RALGAPB: variants seen among roughly 807,000 people sequenced by gnomAD.
RALGAPB encodes ral GTPase-activating protein subunit beta.
Under a neutral mutation model 161.1 loss-of-function variants are expected in RALGAPB, and 25 were observed. The observed-to-expected ratio is 0.16, with a 90% CI of 0.11 to 0.22. The LOEUF is 0.22. Ranked by LOEUF, RALGAPB falls within the 10% of genes least tolerant of loss-of-function variation. RALGAPB has a pLI of 1.00. For missense variants in RALGAPB, 1,391 were observed against 1,815.2 expected, an observed-to-expected ratio of 0.77 and a Z score of 4.25; for synonymous variants, 629 against 626.1, an observed-to-expected ratio of 1.00 and a Z score of -0.07.
chr20:38,533,893 C>A (rs901895298), intron 15 of RALGAPB, among the ~76,000 whole-genome samples: 2 of 150,086 alleles, frequency 1.3e-5, no homozygotes, highest in Non-Finnish European at 3.0e-5. Flanking sequence ...AATCCCAGCA[C>A]TTTGGGAGGC....
In RALGAPB at chr20:38,535,132, A is replaced by G. The variant is rs1260532442; in HGVS notation, c.2304A>G (p.Gln768=). ...LLIRSIHLVT[Q]RLNSQWRQDM... ...TTCGCAGCATTCATCTCGTCACCCA[A>G]AGACTCAACTCCCAGTGGCGCCAAG... The change falls in exon 16 of 30, where the codon CAA becomes CAG. Residue 768 remains glutamine, a synonymous_variant. Coordinates refer to ENST00000262879, the MANE Select transcript of RALGAPB (RefSeq NM_020336.4). 3.1e-6 allele frequency: 5 copies of G among 1,613,898 alleles called. No homozygotes were observed. In the African/African-American group the frequency reaches 6.7e-5, roughly 22 times the overall value.
intron 11 of RALGAPB, among the ~76,000 whole-genome samples, 191 bp from the exon 12 acceptor site, chr20:38,525,213 A>C (rs1486920651): frequency 2.6e-5 from 4 of 152,244 alleles, no homozygotes; most frequent in Non-Finnish European, 2.9e-5. Context: ...TTTGTAGAGT[A>C]GGCCTTACGT....
chr20:38,550,044 A>G (rs2087318607), intron 20 of RALGAPB, among the ~76,000 whole-genome samples: 1 of 152,204 alleles, frequency 6.6e-6, no homozygotes, highest in African/African-American at 2.4e-5. Flanking sequence ...TATCGCAAGA[A>G]CAAAAAACCA....
intron 2 of RALGAPB, among the ~76,000 whole-genome samples, chr20:38,490,536 C>T (rs190077161): frequency 1.3e-5 from 2 of 150,612 alleles, no homozygotes; most frequent in African/African-American, 4.9e-5. Context: ...GACAGAGTCT[C>T]GCTCTTGTTG....
At chr20:38,546,151 A>T in intron 18 of RALGAPB, 92 bp from the exon 19 acceptor site, 1 of 1,580,294 alleles carries the variant, frequency 6.3e-7, no homozygotes, top group Admixed American at 1.7e-5. Flanking sequence ...GTCAATTAAA[A>T]TTCAGAAGAG....
chr20:38,526,054 C>CA lies in RALGAPB; in HGVS notation c.2050+13dup. Reference sequence around the variant, plus strand: ...CCAAATGATATTAGGTTTGTATTCACACGTTATTTTGTAAGTGAAACCAAA... The same window carrying CA: ...CCAAATGATATTAGGTTTGTATTCACAACGTTATTTTGTAAGTGAAACCAAA... On this transcript the variant is annotated intron_variant, in intron 13 of 29. Coordinates refer to ENST00000262879, the MANE Select transcript of RALGAPB (RefSeq NM_020336.4). 2 of 1,613,160 alleles carry CA rather than the reference C, an allele frequency of 1.2e-6. No individual in the cohort carries two copies. Among genetic ancestry groups the CA allele is most frequent in the Non-Finnish European group, 1.7e-6 (2 of 1,179,662 alleles).
intron 28 of RALGAPB, among the ~76,000 whole-genome samples, chr20:38,572,420 G>T (rs1271426795): frequency 6.6e-6 from 1 of 152,118 alleles, no homozygotes; most frequent in Admixed American, 6.5e-5. Flanking sequence ...TTATTCCTTA[G>T]TATCACACAT....
intron 1 of RALGAPB, among the ~76,000 whole-genome samples, chr20:38,479,040 C>T (rs2084887851): frequency 6.6e-6 from 1 of 152,184 alleles, no homozygotes; most frequent in Non-Finnish European, 1.5e-5. Flanking sequence ...TGTGAGCCAC[C>T]ACATCCAGCC....
chr20:38,507,855 T>C (rs538489085), intron 5 of RALGAPB, among the ~76,000 whole-genome samples: 2 of 152,210 alleles, frequency 1.3e-5, no homozygotes, highest in Admixed American at 1.3e-4. Context: ...CATTGTTTTA[T>C]TTTAAAAATA....
intron 6 of RALGAPB, among the ~76,000 whole-genome samples, chr20:38,514,919 A>G (rs2086080945): frequency 6.6e-6 from 1 of 152,154 alleles, no homozygotes; most frequent in Non-Finnish European, 1.5e-5. Context: ...TTCAAGTTTT[A>G]CTTACTTTCT....
intron 5 of RALGAPB, among the ~76,000 whole-genome samples, chr20:38,507,753 A>G (rs894641282): frequency 6.6e-6 from 1 of 151,776 alleles, no homozygotes; most frequent in African/African-American, 2.4e-5. Context: ...GGTGGAGTGC[A>G]GTGGCGCAGT....
At chr20:38,571,027 T>A (rs1460418090) in intron 28 of RALGAPB, among the ~76,000 whole-genome samples, 180 bp downstream of exon 28, 1 of 152,194 alleles carries the variant, frequency 6.6e-6, no homozygotes, top group Non-Finnish European at 1.5e-5. Context: ...TAGCATGGAT[T>A]TTTTTAAAAC....
At chr20:38,528,611 C>T (rs1288855471) in intron 13 of RALGAPB, among the ~76,000 whole-genome samples, 1 of 152,060 alleles carries the variant, frequency 6.6e-6, no homozygotes, top group Non-Finnish European at 1.5e-5. Context: ...TTCTCCAGTC[C>T]TCCCTCCTTA....
In RALGAPB at chr20:38,524,852, T is replaced by C; in HGVS notation, c.1694T>C (p.Leu565Pro). Residue 565 changes from leucine to proline, a missense_variant, in exon 11 of 30, where the codon CTA (leucine) becomes CCA (proline). Around this residue, in one of 3 missense-constraint regions of RALGAPB, gnomAD observed 946 missense variants for 1,257.2 expected, o/e 0.75. Transcript: ENST00000262879. ...VCHPVLASVI[L>P]NSPPLFCCDL... is the part of the protein sequence containing the mutation. ...CATCCTGTCTTGGCCAGCGTTATTC[T>C]AAACTCTCCTCCTTTGTTCTGCTGT... is the stretch of plus-strand genomic sequence containing the variant. The C allele has an allele frequency of 6.2e-7, 1 of 1,605,120 alleles. No homozygotes were observed. Among genetic ancestry groups the C allele is most frequent in the Non-Finnish European group, 8.5e-7 (1 of 1,171,700 alleles).
intron 2 of RALGAPB, among the ~76,000 whole-genome samples, chr20:38,491,759 A>G (rs2085287360): frequency 6.6e-6 from 1 of 152,234 alleles, no homozygotes; most frequent in South Asian, 2.1e-4. Context: ...TGATGGCTAG[A>G]TGATATTTAT....
At chr20:38,529,704 G>C (rs923880927) in intron 13 of RALGAPB, among the ~76,000 whole-genome samples, 1 of 151,434 alleles carries the variant, frequency 6.6e-6, no homozygotes, top group African/African-American at 2.4e-5. Context: ...TTAGCCAGGC[G>C]TGGTGGCAGG....
chr20:38,475,099 A>G (rs754735904), intron 1 of RALGAPB, among the ~76,000 whole-genome samples: 29 of 152,230 alleles, frequency 1.9e-4, no homozygotes, highest in Admixed American at 1.0e-3. Context: ...GTCTGATTCT[A>G]TCACAATCGG....
chr20:38,576,706 G>A lies in RALGAPB; in HGVS notation c.*1739G>A, dbSNP rs1340627354. ...CAAATTCTACCCTAAAAATGTTCTA[G>A]TAGTTCACAGGAAGAAGATGAGGTT... On this transcript the variant is annotated 3_prime_UTR_variant, in exon 30 of 30. Coordinates refer to ENST00000262879, the MANE Select transcript of RALGAPB (RefSeq NM_020336.4). 1 of 152,586 alleles carries A rather than the reference G, an allele frequency of 6.6e-6. No individual in the cohort carries two copies. The highest frequency in any genetic ancestry group is 1.5e-5 in the Non-Finnish European group (1 of 68,038). The allele number at this position is 152,586 out of a possible 1,614,324, so 9.5% of individuals were successfully genotyped here.
intron 14 of RALGAPB, 151 bp from the exon 15 acceptor site, chr20:38,532,579 G>T: frequency 1.1e-6 from 1 of 907,954 alleles, no homozygotes. Context: ...ATACCACAGT[G>T]GTTTTAATCC....
Sources: gnomAD v4.1 joint callset for allele counts (sites outside exome capture counted in the v4.1 genomes callset) on GRCh38, gnomAD v4.1.1 for gene constraint, gnomAD v4.1.1 regional missense constraint, MANE v1.5 for transcripts, NCBI Gene and HGNC (gene_info 2026-07-23, HGNC 2026-07-21) for gene names.